DIAPH3: variants seen among roughly 807,000 people sequenced by gnomAD.
The protein encoded by DIAPH3 is protein diaphanous homolog 3.
A neutral mutation model predicts 144.3 loss-of-function variants in DIAPH3; 117 were observed. The ratio of observed to expected loss-of-function variants is 0.81; its 90% CI spans 0.70 to 0.95. DIAPH3 has a LOEUF of 0.95. Among genes scored for constraint, DIAPH3 ranks in the 40% least tolerant of loss-of-function variants. The pLI is 0.00. For missense variants in DIAPH3, 1,421 were observed against 1,412.7 expected (o/e 1.01, Z -0.09); for synonymous variants, 519 against 488.9 (o/e 1.06, Z -0.81).
intron 14 of DIAPH3, among the ~76,000 whole-genome samples, chr13:59,980,171 T>C (rs2050910837): frequency 6.6e-6 from 1 of 151,608 alleles, no homozygotes; most frequent in Admixed American, 6.6e-5. Context: ...ACTACTGAGT[T>C]GAAACAAAAC....
intron 27 of DIAPH3, among the ~76,000 whole-genome samples, chr13:59,761,041 A>G (rs969503922): frequency 6.6e-6 from 1 of 152,216 alleles, no homozygotes; most frequent in Admixed American, 6.5e-5. Flanking sequence ...CATGGCTAAC[A>G]CTAATAATTT....
At chr13:59,841,793 G>A (rs781210343) in intron 22 of DIAPH3, among the ~76,000 whole-genome samples, 45 of 152,072 alleles carry the variant, frequency 3.0e-4, no homozygotes, top group African/African-American at 4.1e-4. Flanking sequence ...GTCAGGTACC[G>A]TCTTAAGTGT....
At position 60,115,221 on chromosome 13, in the gene DIAPH3, G is replaced by A. The variant is rs528290307; in HGVS notation, c.214-3035C>T. ...ACAGACCTCAATCTATACAATTCAC[G>A]TATCAAGCAATTCACCTTTTTCTTG... On this transcript the variant is annotated intron_variant, in intron 2 of 27. Coordinates refer to ENST00000400324, the MANE Select transcript of DIAPH3 (RefSeq NM_001042517.2). Among the ~76,000 whole-genome samples the A allele has an allele frequency of 3.9e-5, 6 of 152,248 alleles. 1 individual carries two copies. The highest frequency in any genetic ancestry group is 2.0e-4 in the Admixed American group (3 of 15,300).
intron 5 of DIAPH3, among the ~76,000 whole-genome samples, chr13:60,041,041 C>T (rs1472392860): frequency 6.6e-6 from 1 of 150,798 alleles, no homozygotes; most frequent in Non-Finnish European, 1.5e-5. Context: ...CTGGAATGCC[C>T]GACCTCAAGT....
At chr13:59,746,159 T>A (rs1016123569) in intron 27 of DIAPH3, among the ~76,000 whole-genome samples, 1 of 152,172 alleles carries the variant, frequency 6.6e-6, no homozygotes, top group Non-Finnish European at 1.5e-5. Flanking sequence ...AATATTTTAT[T>A]TTTTAGTGAA....
intron 25 of DIAPH3, among the ~76,000 whole-genome samples, chr13:59,777,415 T>G (rs1310921141): frequency 1.3e-5 from 2 of 152,128 alleles, no homozygotes; most frequent in African/African-American, 2.4e-5. Context: ...CAGTGTCAAC[T>G]AATAGATGTC....
chr13:59,693,231 G>A (rs1288878961), intron 27 of DIAPH3, among the ~76,000 whole-genome samples: 1 of 152,142 alleles, frequency 6.6e-6, no homozygotes, highest in African/African-American at 2.4e-5. Flanking sequence ...GGACTGAGAC[G>A]GAAGAGGTAG....
chr13:60,138,134 G>T (rs1468592006), intron 1 of DIAPH3, among the ~76,000 whole-genome samples: 1 of 152,184 alleles, frequency 6.6e-6, no homozygotes, highest in African/African-American at 2.4e-5. Flanking sequence ...GGACCAGCTG[G>T]TTTTTCCAGG....
chr13:59,983,190 G>A (rs1594216825), intron 13 of DIAPH3, among the ~76,000 whole-genome samples: 1 of 119,504 alleles, frequency 8.4e-6, no homozygotes, highest in Admixed American at 8.9e-5. Flanking sequence ...TCGTCTGTAT[G>A]AGTCATTCCA....
At chr13:60,071,868 C>G (rs2057221140) in intron 4 of DIAPH3, among the ~76,000 whole-genome samples, 2 of 152,052 alleles carry the variant, frequency 1.3e-5, no homozygotes, top group African/African-American at 4.8e-5. Flanking sequence ...ACCTATTTGC[C>G]TCTTTTATCT....
chr13:60,030,688 G>C (rs575472785), intron 5 of DIAPH3, among the ~76,000 whole-genome samples: 11 of 152,174 alleles, frequency 7.2e-5, no homozygotes, highest in African/African-American at 2.4e-4. Context: ...GAGTACAAAG[G>C]CTCAAAACAA....
intron 14 of DIAPH3, among the ~76,000 whole-genome samples, chr13:59,977,262 AT>A (rs1157828564): frequency 2.6e-5 from 4 of 151,838 alleles, no homozygotes; most frequent in Admixed American, 2.0e-4. Context: ...CTGGGGAATG[AT>A]TCCTGGAGGA....
chr13:59,841,928 G>C (rs1268081604), intron 22 of DIAPH3, among the ~76,000 whole-genome samples: 4 of 151,986 alleles, frequency 2.6e-5, no homozygotes, highest in Admixed American at 6.6e-5. Context: ...ATTAAAAATT[G>C]GTGAAGCTAG....
At chr13:59,922,252 G>A (rs1380093199) in intron 18 of DIAPH3, among the ~76,000 whole-genome samples, 1 of 151,936 alleles carries the variant, frequency 6.6e-6, no homozygotes, top group Non-Finnish European at 1.5e-5. Flanking sequence ...AAGTTAAGCT[G>A]TACTTGCTTG....
At chr13:59,709,263 A>C (rs1319873397) in intron 27 of DIAPH3, among the ~76,000 whole-genome samples, 1 of 152,220 alleles carries the variant, frequency 6.6e-6, no homozygotes, top group Non-Finnish European at 1.5e-5. Context: ...CTAAGATAGA[A>C]AAGGGCTAAA....
intron 3 of DIAPH3, among the ~76,000 whole-genome samples, chr13:60,096,262 C>G (rs886575683): frequency 6.6e-6 from 1 of 152,100 alleles, no homozygotes; most frequent in Admixed American, 6.5e-5. Flanking sequence ...TACCCAGTCT[C>G]TTTAGTAAAT....
At chr13:59,996,031 G>A (rs1333656490) in intron 9 of DIAPH3, among the ~76,000 whole-genome samples, 1 of 152,014 alleles carries the variant, frequency 6.6e-6, no homozygotes, top group African/African-American at 2.4e-5. Context: ...TGGTGTCCTG[G>A]AAGTATGGAA....
chr13:60,005,740 CAA>C (rs2052825618), intron 9 of DIAPH3, among the ~76,000 whole-genome samples: 2 of 152,214 alleles, frequency 1.3e-5, no homozygotes. Context: ...CTTGGCCTCC[CAA>C]AGTGCTAGGA....
intron 20 of DIAPH3, among the ~76,000 whole-genome samples, chr13:59,909,761 C>G (rs2046904686): frequency 6.6e-6 from 1 of 152,146 alleles, no homozygotes; most frequent in African/African-American, 2.4e-5. Context: ...TGTGTACATT[C>G]CAGATTAAGT....
Sources: gnomAD v4.1 joint callset for allele counts (sites outside exome capture counted in the v4.1 genomes callset) on GRCh38, gnomAD v4.1.1 for gene constraint, MANE v1.5 for transcripts, NCBI Gene and HGNC (gene_info 2026-07-23, HGNC 2026-07-21) for gene names.